TAF5L: variants seen among roughly 807,000 people sequenced by gnomAD.
TAF5L encodes TATA-box binding protein associated factor 5 like, also known as TAF5-like RNA polymerase II p300/CBP-associated factor-associated factor 65 kDa subunit 5L.
In TAF5L, 7 loss-of-function variants were observed where a neutral mutation model predicts 51.3. The ratio of observed to expected loss-of-function variants is 0.14; its 90% CI spans 0.08 to 0.26. The LOEUF (loss-of-function observed/expected upper bound fraction) is 0.26. Among genes scored for constraint, TAF5L ranks in the 10% least tolerant of loss-of-function variants. The probability of loss-of-function intolerance (pLI) is 1.00; values close to 1 mark genes in which losing one functional copy is unlikely to be tolerated. For missense variants in TAF5L, 575 were observed against 758.9 expected, an observed-to-expected ratio of 0.76 and a Z score of 2.85; for synonymous variants, 291 against 308.1, an observed-to-expected ratio of 0.94 and a Z score of 0.58.
exon 5 of TAF5L, chr1:229,593,529 T>A (rs1367326909): frequency 2.0e-5 from 3 of 152,076 alleles, no homozygotes; most frequent in Non-Finnish European, 4.4e-5. Flanking sequence ...GTGTTCTCAA[T>A]CAAACCCACC....
chr1:229,622,995 C>T (rs886564303), intron 1 of TAF5L, among the ~76,000 whole-genome samples: 1 of 152,132 alleles, frequency 6.6e-6, no homozygotes, highest in African/African-American at 2.4e-5. Flanking sequence ...CATTTACTGC[C>T]GCCGGGCACG....
chr1:229,609,355 A>G (rs115811374), intron 3 of TAF5L, among the ~76,000 whole-genome samples: 1,948 of 152,274 alleles, frequency 0.013, 43 homozygotes, highest in African/African-American at 0.045. Flanking sequence ...AATAAAATAA[A>G]CTCAATGGCA....
chr1:229,626,057 G>C (rs1026902730), upstream of TAF5L: 18 of 151,432 alleles, frequency 1.2e-4, no homozygotes, highest in Admixed American at 9.2e-4. Flanking sequence ...CTCCATGACT[G>C]ACTGACACGG....
intron 3 of TAF5L, among the ~76,000 whole-genome samples, chr1:229,605,273 A>G (rs1015923132): frequency 1.1e-4 from 16 of 152,132 alleles, no homozygotes; most frequent in Admixed American, 9.8e-4. Context: ...TACTGACTCC[A>G]TATCATAGTA....
rs1239021946 is a variant in TAF5L at position 229,602,149 on chromosome 1, GA to G, written c.972+45del. ...TCGTGTTTGGTAAGGACATTCTAAG[GA>G]AATTAGGAAGGCGGGTGCAGGGAAG... On this transcript the variant is annotated intron_variant, in intron 4 of 4. Transcript: ENST00000258281. This position sits in a 1 kb window ranked among gnomAD's most constrained non-coding sequence, Gnocchi z 4.6. 1.3e-6 allele frequency: 2 copies of G among 1,579,138 alleles called. No individual in the cohort carries two copies. Among genetic ancestry groups the G allele is most frequent in the Non-Finnish European group, 1.7e-6 (2 of 1,162,176 alleles).
chr1:229,624,655 T>C (rs559494003), intron 1 of TAF5L, among the ~76,000 whole-genome samples: 1 of 152,298 alleles, frequency 6.6e-6, no homozygotes, highest in South Asian at 2.1e-4. Context: ...ATTTTATAGA[T>C]GAGGAAACTA....
intron 2 of TAF5L, among the ~76,000 whole-genome samples, chr1:229,613,420 A>C (rs2102759578): frequency 6.6e-6 from 1 of 152,268 alleles, no homozygotes; most frequent in African/African-American, 2.4e-5. Context: ...CAAAATAGCT[A>C]ACAATTACAG....
intron 4 of TAF5L, among the ~76,000 whole-genome samples, chr1:229,595,585 T>C (rs987727740): frequency 6.6e-6 from 1 of 152,256 alleles, no homozygotes; most frequent in African/African-American, 2.4e-5. Context: ...AACATTTCGT[T>C]AAGTCCTGAC....
In TAF5L at chr1:229,594,532, T is replaced by C; in HGVS notation, c.1535A>G (p.Asn512Ser). The change falls in exon 5 of 5, where the codon AAT becomes AGT. Residue 512 changes from asparagine (N) to serine (S), a missense_variant. Physicochemically the swap from Asn to Ser is conservative, Grantham distance 46 (BLOSUM62 1). Transcript: ENST00000258281. The surrounding 1 kb of genome is among the most constrained non-coding windows in gnomAD (Gnocchi z 7.9). Reference sequence around the variant, plus strand: ...TGGACTGAAGGTGAGGCTGGTGATATTGTCTGTGTGGCCTCTCAACTCTTT... The same window carrying C: ...TGGACTGAAGGTGAGGCTGGTGATACTGTCTGTGTGGCCTCTCAACTCTTT... 1.9e-6 allele frequency: 3 copies of C among 1,614,096 alleles called. No homozygotes were observed. Among genetic ancestry groups the C allele is most frequent in the Non-Finnish European group, 2.5e-6 (3 of 1,179,964 alleles).
At chr1:229,612,033 A>C (rs1340839385) in intron 2 of TAF5L, among the ~76,000 whole-genome samples, 1 of 152,184 alleles carries the variant, frequency 6.6e-6, no homozygotes, top group African/African-American at 2.4e-5. Context: ...TCACTGACTT[A>C]CCTGCCTCAC....
chr1:229,601,672 C>G (rs1196764522), intron 4 of TAF5L: 20 of 990,610 alleles, frequency 2.0e-5, no homozygotes, highest in Non-Finnish European at 2.3e-5. Context: ...AGGATATGCA[C>G]TGGCCTCAGA....
At chr1:229,600,152 A>G (rs1052154661) in intron 4 of TAF5L, 9 of 985,314 alleles carry the variant, frequency 9.1e-6, no homozygotes, top group African/African-American at 1.7e-5. Context: ...AGAAACATTA[A>G]ACACCAACTA....
At chr1:229,604,710 G>T (rs6671792) in intron 3 of TAF5L, among the ~76,000 whole-genome samples, 181 of 152,208 alleles carry the variant, frequency 1.2e-3, no homozygotes, top group African/African-American at 4.2e-3. Context: ...GGTAAACCAC[G>T]ATCAGCTTGC....
At chr1:229,597,149 A>T (rs1664154319) in intron 4 of TAF5L, among the ~76,000 whole-genome samples, 1 of 152,270 alleles carries the variant, frequency 6.6e-6, no homozygotes, top group African/African-American at 2.4e-5. Flanking sequence ...GAAAGTTTAT[A>T]TAAAGACTGT....
intron 2 of TAF5L, among the ~76,000 whole-genome samples, chr1:229,610,580 A>G (rs1191213554): frequency 6.6e-6 from 1 of 152,190 alleles, no homozygotes; most frequent in Non-Finnish European, 1.5e-5. Flanking sequence ...CTGGGCACTT[A>G]GTGGGCCCTT....
At position 229,598,327 on chromosome 1, in the gene TAF5L, T is replaced by C. The variant is rs190054775; in HGVS notation, c.973-3233A>G. 3.8e-3 allele frequency among the ~76,000 whole-genome samples: 573 copies of C among 152,354 alleles called. 5 individuals are homozygous for C. The highest frequency in any genetic ancestry group is 0.013 in the African/African-American group (537 of 41,586). ...TTTTAACCTTTTTAGATGTGGCTAC[T>C]AGAAAAATTTAAATTACTATATGGC... is the stretch of plus-strand genomic sequence containing the variant. On this transcript the variant is annotated intron_variant, in intron 4 of 4. Coordinates refer to ENST00000258281, the Ensembl canonical transcript of TAF5L.
At chr1:229,610,299 T>C in intron 2 of TAF5L, 89 bp from the exon 3 acceptor site, 9 of 1,214,500 alleles carry the variant, frequency 7.4e-6, no homozygotes, top group Non-Finnish European at 1.1e-5. Context: ...AGGAGGGTGT[T>C]GTGCACACAC....
intron 1 of TAF5L, among the ~76,000 whole-genome samples, chr1:229,620,046 A>G (rs1665148364): frequency 6.6e-6 from 1 of 152,206 alleles, no homozygotes; most frequent in Non-Finnish European, 1.5e-5. Context: ...AAAGAAAACA[A>G]AACAACCAAA....
exon 2 of TAF5L, chr1:229,614,360 C>A: frequency 6.2e-7 from 1 of 1,614,262 alleles, no homozygotes; most frequent in Non-Finnish European, 8.5e-7. Flanking sequence ...TGGCCGCCAT[C>A]TCTTCAGCAG....
Sources: allele counts gnomAD v4.1 joint callset (sites outside exome capture counted in the v4.1 genomes callset), GRCh38; gene constraint gnomAD v4.1.1; non-coding constraint Gnocchi (gnomAD v3.1); transcripts MANE v1.5; gene names NCBI Gene and HGNC (gene_info 2026-07-23, HGNC 2026-07-21).